CTNND2: variants seen among roughly 807,000 people sequenced by gnomAD.
The protein encoded by CTNND2 is catenin delta 2.
CTNND2 carries 22 observed loss-of-function variants against 144.4 expected under a neutral mutation model. The ratio of observed to expected loss-of-function variants is 0.15; its 90% CI spans 0.11 to 0.22. CTNND2 has a LOEUF of 0.22. Ranked by LOEUF, CTNND2 falls within the 10% of genes least tolerant of loss-of-function variation. CTNND2 has a pLI of 1.00. For missense variants in CTNND2, 1,353 were observed against 1,618.8 expected, an observed-to-expected ratio of 0.84 and a Z score of 2.82; for synonymous variants, 751 against 695.6, an observed-to-expected ratio of 1.08 and a Z score of -1.25.
chr5:11,700,908 A>C (rs889188771), intron 2 of CTNND2, among the ~76,000 whole-genome samples: 1 of 152,220 alleles, frequency 6.6e-6, no homozygotes, highest in African/African-American at 2.4e-5. Flanking sequence ...TGTTGAAAGA[A>C]TACTTAGGAA....
At chr5:11,740,199 C>G (rs1787922822) in intron 1 of CTNND2, among the ~76,000 whole-genome samples, 2 of 152,124 alleles carry the variant, frequency 1.3e-5, no homozygotes, top group South Asian at 4.2e-4. Context: ...CTTTAAAGTT[C>G]ATATGGAACC....
chr5:11,889,043 C>T (rs1736770786), intron 1 of CTNND2, among the ~76,000 whole-genome samples: 1 of 152,162 alleles, frequency 6.6e-6, no homozygotes, highest in South Asian at 2.1e-4. Context: ...AGTCACCACG[C>T]CCAGCCCCTA....
In CTNND2 at chr5:11,159,590, G is replaced by T. The variant is rs758156369; in HGVS notation, c.2145C>A (p.Ala715=). 2 of 1,611,000 alleles carry T rather than the reference G, an allele frequency of 1.2e-6. No homozygotes were observed. Among genetic ancestry groups the T allele is most frequent in the South Asian group, 2.2e-5 (2 of 90,274 alleles). The change falls in exon 12 of 22, where the codon GCC becomes GCA. Residue 715 remains alanine, a synonymous_variant. Coordinates refer to ENST00000304623, the MANE Select transcript of CTNND2 (RefSeq NM_001332.4). Reference sequence around the variant, plus strand: ...ACAGGACTGACCTTAGGCACCCGGTGGCGTTACGCAGCACCTGTGATGAAT... The same window carrying T: ...ACAGGACTGACCTTAGGCACCCGGTTGCGTTACGCAGCACCTGTGATGAAT... The part of the protein sequence containing the change: ...QLHSSQVLRN[A]TGCLRNVSSA...
intron 1 of CTNND2, among the ~76,000 whole-genome samples, chr5:11,747,168 C>A (rs74569195): frequency 6.6e-6 from 1 of 152,052 alleles, no homozygotes; most frequent in Admixed American, 6.6e-5. Flanking sequence ...CCAGACAACA[C>A]AAATATATTT....
At chr5:11,099,904 T>C (rs765217510) in intron 14 of CTNND2, among the ~76,000 whole-genome samples, 3 of 152,194 alleles carry the variant, frequency 2.0e-5, no homozygotes, top group Non-Finnish European at 2.9e-5. Flanking sequence ...TTAGTGTTTA[T>C]TAATGATTAC....
intron 1 of CTNND2, among the ~76,000 whole-genome samples, chr5:11,856,124 A>G (rs1447535901): frequency 5.3e-5 from 8 of 152,238 alleles, no homozygotes; most frequent in African/African-American, 1.9e-4. Flanking sequence ...GGGAGAGACA[A>G]AAAGAACAAA....
chr5:11,877,577 G>C (rs572560993), intron 1 of CTNND2, among the ~76,000 whole-genome samples: 1 of 152,104 alleles, frequency 6.6e-6, no homozygotes, highest in South Asian at 2.1e-4. Flanking sequence ...ATTTGAATAC[G>C]CTTGAAGATT....
At chr5:11,037,168 T>C (rs1215354361) in intron 16 of CTNND2, among the ~76,000 whole-genome samples, 1 of 152,242 alleles carries the variant, frequency 6.6e-6, no homozygotes, top group Non-Finnish European at 1.5e-5. Flanking sequence ...GAGATTGTTC[T>C]GTGCCCTCAC....
At chr5:11,036,426 AC>A in intron 16 of CTNND2, among the ~76,000 whole-genome samples, 1 of 151,250 alleles carries the variant, frequency 6.6e-6, no homozygotes, top group East Asian at 1.9e-4. Flanking sequence ...AACTAATACA[AC>A]TTTTTTTTTT....
chr5:11,417,168 G>A (rs1234568494), intron 3 of CTNND2, among the ~76,000 whole-genome samples: 1 of 152,122 alleles, frequency 6.6e-6, no homozygotes, highest in Non-Finnish European at 1.5e-5. Flanking sequence ...TCCCATTTTA[G>A]AGATAATAAA....
At chr5:11,610,220 T>G (rs536008930) in intron 2 of CTNND2, among the ~76,000 whole-genome samples, 1 of 152,166 alleles carries the variant, frequency 6.6e-6, no homozygotes, top group Admixed American at 6.5e-5. Context: ...CCTTCATAAA[T>G]GGATCCTAAG....
rs190663309 is a variant in CTNND2, at chr5:11,261,209, C to T, written c.1629-24386G>A. ...GCTCTTCACACAGAGGCAAATGACA[C>T]AGGTAGCATTAGTGACAGTGATATT... On this transcript the variant is annotated intron_variant, in intron 9 of 21. Coordinates refer to ENST00000304623, the MANE Select transcript of CTNND2 (RefSeq NM_001332.4). 3.2e-3 allele frequency among the ~76,000 whole-genome samples: 487 copies of T among 152,292 alleles called. 1 individual carries two copies. Among genetic ancestry groups the T allele is most frequent in the Non-Finnish European group, 5.2e-3 (353 of 68,024 alleles).
chr5:11,550,354 A>T (rs1398919170), intron 3 of CTNND2, among the ~76,000 whole-genome samples: 5 of 152,254 alleles, frequency 3.3e-5, no homozygotes, highest in African/African-American at 1.2e-4. Flanking sequence ...GACAAGCAAT[A>T]CATGAGTCCA....
Position 11,517,885 on chromosome 5 carries a change from T to C in CTNND2, c.287+47059A>G, listed in dbSNP as rs141843282. Among the ~76,000 whole-genome samples, 12 of 152,320 alleles carry C rather than the reference T, an allele frequency of 7.9e-5. No homozygotes were observed. The East Asian group carries it at 2.1e-3, about 27-fold the overall frequency. On this transcript the variant is annotated intron_variant, in intron 3 of 21. Transcript: ENST00000304623. ...AAAGTTGAAGTACACGATGCAGTATTATTAACTATAGTCATCATGCTGTAT... is the reference window on the plus strand; with the variant it reads ...AAAGTTGAAGTACACGATGCAGTATCATTAACTATAGTCATCATGCTGTAT...
chr5:10,973,517 C>T lies in CTNND2; in HGVS notation c.3614G>A (p.Arg1205His), dbSNP rs748902238. The T allele has an allele frequency of 3.1e-6, 5 of 1,613,004 alleles. No homozygotes were observed. Among genetic ancestry groups the T allele is most frequent in the Admixed American group, 1.7e-5 (1 of 59,910 alleles). The change falls in exon 22 of 22, where the codon CGT (arginine) becomes CAT (histidine). Residue 1205 changes from arginine to histidine, a missense_variant. By Grantham distance (29) the Arg-to-His change is conservative. Coordinates refer to ENST00000304623, the MANE Select transcript of CTNND2 (RefSeq NM_001332.4). This position sits in a 1 kb window ranked among gnomAD's most constrained non-coding sequence, Gnocchi z 5.6. ...GNYVDFYSAA[R>H]PYSELNYETS... ...TTCATAGTTCAGTTCACTGTAGGGA[C>T]GGGCAGCTGAGTAGAAGTCAACGTA...
Position 11,138,450 on chromosome 5 carries a change from A to T in CTNND2, c.2160-20883T>A, listed in dbSNP as rs1385008720. Among the ~76,000 whole-genome samples, 3 of 152,196 alleles carry T rather than the reference A, an allele frequency of 2.0e-5. No individual in the cohort carries two copies. The East Asian group carries it at 5.8e-4, about 29-fold the overall frequency. ...CTATTTGTAAGTGTTGTAAATGCAC[A>T]CCATTCTGCGAGGACACGTGTTAAA... On this transcript the variant is annotated intron_variant, in intron 12 of 21. Coordinates refer to ENST00000304623, the MANE Select transcript of CTNND2 (RefSeq NM_001332.4).
intron 2 of CTNND2, among the ~76,000 whole-genome samples, chr5:11,626,674 C>T (rs1304181338): frequency 6.6e-6 from 1 of 152,160 alleles, no homozygotes. Flanking sequence ...GCAAAATTAA[C>T]ACTCTCAGAT....
At chr5:11,753,894 C>A (rs1316494950) in intron 1 of CTNND2, among the ~76,000 whole-genome samples, 2 of 151,350 alleles carry the variant, frequency 1.3e-5, no homozygotes, top group East Asian at 3.9e-4. Flanking sequence ...CTTTTCTCAC[C>A]TTGGGAGACT....
intron 6 of CTNND2, among the ~76,000 whole-genome samples, chr5:11,393,850 T>A (rs1253533382): frequency 6.6e-6 from 1 of 152,004 alleles, no homozygotes; most frequent in African/African-American, 2.4e-5. Flanking sequence ...GATCATGTCG[T>A]TCCTCTGCTT....
Sources: gnomAD v4.1 joint callset for allele counts (sites outside exome capture counted in the v4.1 genomes callset) on GRCh38, gnomAD v4.1.1 for gene constraint, Gnocchi (gnomAD v3.1) non-coding constraint, MANE v1.5 for transcripts, NCBI Gene and HGNC (gene_info 2026-07-23, HGNC 2026-07-21) for gene names.